The following DNAJC15 variants were observed in gnomAD, a reference collection of about 807,000 sequenced individuals.
DNAJC15 encodes the protein DnaJ heat shock protein family (Hsp40) member C15.
Under a neutral mutation model 22.4 loss-of-function variants are expected in DNAJC15, and 27 were observed. The ratio of observed to expected loss-of-function variants is 1.20; its 90% CI spans 0.89 to 1.66. DNAJC15 has a LOEUF of 1.66. Among genes scored for constraint, DNAJC15 ranks in the 40% most tolerant of loss-of-function variants. The probability of loss-of-function intolerance (pLI) is 0.00; values close to 1 mark genes in which losing one functional copy is unlikely to be tolerated. For missense variants in DNAJC15, 208 were observed against 187.1 expected, an observed-to-expected ratio of 1.11 and a Z score of -0.65; for synonymous variants, 79 against 63.2, an observed-to-expected ratio of 1.25 and a Z score of -1.19.
At chr13:43,077,295 T>C (rs1204719029) in intron 3 of DNAJC15, among the ~76,000 whole-genome samples, 1 of 152,212 alleles carries the variant, frequency 6.6e-6, no homozygotes, top group East Asian at 1.9e-4. Context: ...TTGGGTTCTC[T>C]GGAAAGCAGA....
rs1428621204 is a variant in DNAJC15, at chr13:43,041,166, C to CTTGGA, written c.108+17433_108+17437dup. ...TTCAGACTATCACATGGGGAGAAAC[C>CTTGGA]TTGGACGATACCTGGCTTTCCTAGG... On this transcript the variant is annotated intron_variant, in intron 1 of 5. Transcript: ENST00000379221. 2.0e-5 allele frequency among the ~76,000 whole-genome samples: 3 copies of CTTGGA among 152,162 alleles called. No homozygotes were observed. In the East Asian group the frequency reaches 5.8e-4, roughly 29 times the overall value.
intron 1 of DNAJC15, among the ~76,000 whole-genome samples, chr13:43,031,214 G>A (rs922523815): frequency 5.3e-5 from 8 of 152,178 alleles, no homozygotes; most frequent in Admixed American, 2.6e-4. Flanking sequence ...TTGATTTTTC[G>A]AAAGAAACCA....
At chr13:43,048,256 G>A (rs1167654142) in intron 1 of DNAJC15, among the ~76,000 whole-genome samples, 7 of 151,002 alleles carry the variant, frequency 4.6e-5, no homozygotes, top group African/African-American at 1.7e-4. Flanking sequence ...AAGGCAGGTG[G>A]ATCACCTGAG....
At position 43,112,260 on chromosome 13, in the gene DNAJC15, A is replaced by G. The variant is rs994158266; in HGVS notation, c.*5012A>G. ...CTTCATTTCTCTTCCTGCCATAATA[A>G]CCCTTTCCCTCTCTGTTCGATTCAA... On this transcript the variant is annotated 3_prime_UTR_variant, in exon 6 of 6. Transcript: ENST00000379221. 1 of 152,168 alleles carries G rather than the reference A, an allele frequency of 6.6e-6. No individual in the cohort carries two copies. Among genetic ancestry groups the G allele is most frequent in the Non-Finnish European group, 1.5e-5 (1 of 68,018 alleles). The allele number at this position is 152,168 out of a possible 1,614,324, so 9.4% of individuals were successfully genotyped here.
At chr13:43,082,860 A>ATATG (rs2040668860) in intron 4 of DNAJC15, among the ~76,000 whole-genome samples, 1 of 146,126 alleles carries the variant, frequency 6.8e-6, no homozygotes, top group African/African-American at 2.6e-5. Flanking sequence ...ATATATATAT[A>ATATG]CACACATATA....
chr13:43,048,021 C>A (rs1031344213), intron 1 of DNAJC15, among the ~76,000 whole-genome samples: 1 of 152,120 alleles, frequency 6.6e-6, no homozygotes, highest in African/African-American at 2.4e-5. Context: ...TGAAACCATT[C>A]GATTTCACTG....
chr13:43,090,771 G>A (rs992058581), intron 5 of DNAJC15, among the ~76,000 whole-genome samples: 2 of 148,890 alleles, frequency 1.3e-5, no homozygotes, highest in South Asian at 2.1e-4. Context: ...GCAGTGTTGC[G>A]ATCTTGGCTC....
chr13:43,106,037 C>T (rs9533392), intron 5 of DNAJC15, among the ~76,000 whole-genome samples: 37,366 of 152,068 alleles, frequency 0.25, 4,945 homozygotes, highest in Non-Finnish European at 0.31. Context: ...AGCATTACCC[C>T]TTCTACCACA....
intron 1 of DNAJC15, among the ~76,000 whole-genome samples, chr13:43,031,199 G>T (rs2040402861): frequency 6.6e-6 from 1 of 152,194 alleles, no homozygotes; most frequent in Non-Finnish European, 1.5e-5. Flanking sequence ...ATTATTACCA[G>T]ATGTTTGATT....
chr13:43,111,908 A>G lies in DNAJC15; in HGVS notation c.*4660A>G, dbSNP rs1470204270. The G allele has an allele frequency of 6.6e-6, 1 of 152,176 alleles. No individual in the cohort carries two copies. The highest frequency in any genetic ancestry group is 6.5e-5 in the Admixed American group (1 of 15,282). 9.4% of individuals were successfully genotyped at this position (152,176 alleles called of 1,614,324 possible). On this transcript the variant is annotated 3_prime_UTR_variant, in exon 6 of 6. Transcript: ENST00000379221. The stretch of plus-strand genomic sequence containing the variant: ...AACATTCCATGAATTATGAGTCAAA[A>G]TTTTATTTATGGTGGCATTACACAC...
intron 4 of DNAJC15, chr13:43,078,925 A>G (rs915739493): frequency 2.1e-5 from 6 of 291,002 alleles, no homozygotes; most frequent in African/African-American, 1.3e-4. Context: ...ATTCTTTAAC[A>G]AGGATCTATA....
intron 5 of DNAJC15, among the ~76,000 whole-genome samples, chr13:43,089,230 A>G (rs1394918513): frequency 6.6e-6 from 1 of 152,220 alleles, no homozygotes; most frequent in African/African-American, 2.4e-5. Context: ...TCTTCCATTT[A>G]TTCAAAAATT....
At chr13:43,070,010 C>T (rs1032273367) in intron 3 of DNAJC15, among the ~76,000 whole-genome samples, 8 of 152,108 alleles carry the variant, frequency 5.3e-5, no homozygotes, top group South Asian at 4.1e-4. Flanking sequence ...ATACCATTAT[C>T]ACAGCTATTA....
rs2153442038 is a variant in DNAJC15 at position 43,095,875 on chromosome 13, T to C, written c.382+10037T>C. ...TTTTAATTGGTGCAGGGCTAAGGAATGAAAAGATGCGGAAGTTGAGTTAGC... is the reference window on the plus strand; with the variant it reads ...TTTTAATTGGTGCAGGGCTAAGGAACGAAAAGATGCGGAAGTTGAGTTAGC... On this transcript the variant is annotated intron_variant, in intron 5 of 5. Transcript: ENST00000379221. Among the ~76,000 whole-genome samples, 3 of 152,182 alleles carry C rather than the reference T, an allele frequency of 2.0e-5. No individual in the cohort carries two copies. In the South Asian group the frequency reaches 6.2e-4, roughly 32 times the overall value.
At chr13:43,042,730 T>C (rs1315338550) in intron 1 of DNAJC15, among the ~76,000 whole-genome samples, 1 of 152,238 alleles carries the variant, frequency 6.6e-6, no homozygotes, top group African/African-American at 2.4e-5. Flanking sequence ...GTATTTCTTC[T>C]TCTTCAGAGA....
intron 5 of DNAJC15, among the ~76,000 whole-genome samples, chr13:43,098,448 C>T (rs564873452): frequency 6.6e-6 from 1 of 152,246 alleles, no homozygotes; most frequent in East Asian, 1.9e-4. Flanking sequence ...AGAGGTAGAA[C>T]CTCTTCAGAC....
At chr13:43,068,825 A>G in intron 2 of DNAJC15, 105 bp from the exon 3 acceptor site, 3 of 894,004 alleles carry the variant, frequency 3.4e-6, no homozygotes, top group Non-Finnish European at 4.7e-6. Flanking sequence ...ACTTATTGCA[A>G]TAACATATAT....
intron 5 of DNAJC15, among the ~76,000 whole-genome samples, chr13:43,090,803 G>A (rs1313217746): frequency 6.6e-5 from 10 of 151,312 alleles, no homozygotes; most frequent in Admixed American, 2.0e-4. Flanking sequence ...CGCCTCCTGG[G>A]TTCACACCAT....
At chr13:43,043,023 G>A (rs557311710) in intron 1 of DNAJC15, among the ~76,000 whole-genome samples, 1 of 152,330 alleles carries the variant, frequency 6.6e-6, no homozygotes, top group Non-Finnish European at 1.5e-5. Flanking sequence ...TCTCCAGGCT[G>A]TCAGGAAGGA....
Sources: gnomAD v4.1 joint callset for allele counts (sites outside exome capture counted in the v4.1 genomes callset) on GRCh38, gnomAD v4.1.1 for gene constraint, MANE v1.5 for transcripts, NCBI Gene and HGNC (gene_info 2026-07-23, HGNC 2026-07-21) for gene names.